Variants in CSNK1G1 observed in about 807,000 individuals in gnomAD.
The protein encoded by CSNK1G1 is casein kinase I isoform gamma-1.
A neutral mutation model predicts 59.6 loss-of-function variants in CSNK1G1; 22 were observed. The ratio of observed to expected loss-of-function variants is 0.37; its 90% CI spans 0.26 to 0.53. The LOEUF (loss-of-function observed/expected upper bound fraction) is 0.53, where lower values mean the gene tolerates loss of function less well. Among genes scored for constraint, CSNK1G1 ranks in the 20% least tolerant of loss-of-function variants. The pLI, the probability that CSNK1G1 is intolerant of heterozygous loss-of-function variation, is 0.89. For synonymous variants in CSNK1G1, 179 were observed against 177.1 expected (o/e 1.01, Z -0.08); for missense variants, 384 against 519.5 (o/e 0.74, Z 2.54).
At chr15:64,334,818 G>T (rs1897301715) in intron 1 of CSNK1G1, among the ~76,000 whole-genome samples, 1 of 152,198 alleles carries the variant, frequency 6.6e-6, no homozygotes, top group Non-Finnish European at 1.5e-5. Context: ...CTGCTATGCA[G>T]CACGGTTCCT....
intron 4 of CSNK1G1, among the ~76,000 whole-genome samples, chr15:64,231,235 A>G (rs2082544239): frequency 6.7e-6 from 1 of 150,040 alleles, no homozygotes. Flanking sequence ...CTGGGGTAGG[A>G]GAATCTCTTG....
chr15:64,260,500 G>A (rs1194034857), intron 2 of CSNK1G1, among the ~76,000 whole-genome samples: 5 of 152,084 alleles, frequency 3.3e-5, no homozygotes, highest in African/African-American at 9.7e-5. Flanking sequence ...CACTTTGGGA[G>A]GCTGAGGCAG....
At chr15:64,279,806 T>C (rs1207167827) in intron 2 of CSNK1G1, among the ~76,000 whole-genome samples, 1 of 151,856 alleles carries the variant, frequency 6.6e-6, no homozygotes, top group Non-Finnish European at 1.5e-5. Context: ...ATCCCATCTC[T>C]ACTAAAAATA....
intron 2 of CSNK1G1, among the ~76,000 whole-genome samples, chr15:64,272,746 C>T (rs1257474070): frequency 6.6e-6 from 1 of 152,024 alleles, no homozygotes; most frequent in East Asian, 1.9e-4. Context: ...TCTTGTAAGG[C>T]AGGTCTGGTG....
chr15:64,227,128 C>T (rs903882367), intron 4 of CSNK1G1, among the ~76,000 whole-genome samples: 14 of 152,186 alleles, frequency 9.2e-5, no homozygotes, highest in African/African-American at 2.9e-4. Context: ...ATTTGGAATG[C>T]CTAATGCTTT....
chr15:64,307,549 AT>A (rs1844773787), intron 1 of CSNK1G1, among the ~76,000 whole-genome samples: 1 of 152,186 alleles, frequency 6.6e-6, no homozygotes, highest in Non-Finnish European at 1.5e-5. Context: ...CCCTGTCTCT[AT>A]TTAGTATACA....
chr15:64,261,684 C>T (rs1043296173), intron 2 of CSNK1G1, among the ~76,000 whole-genome samples: 1 of 152,080 alleles, frequency 6.6e-6, no homozygotes, highest in Admixed American at 6.6e-5. Flanking sequence ...ACAGCTCACA[C>T]TTGTAATCCC....
intron 1 of CSNK1G1, among the ~76,000 whole-genome samples, chr15:64,345,046 G>T (rs1267140182): frequency 6.6e-6 from 1 of 152,110 alleles, no homozygotes; most frequent in Non-Finnish European, 1.5e-5. Context: ...TCACCAAACA[G>T]AGTTATTAAA....
At chr15:64,354,292 A>G (rs1180069484) in intron 1 of CSNK1G1, among the ~76,000 whole-genome samples, 2 of 152,190 alleles carry the variant, frequency 1.3e-5, no homozygotes, top group Non-Finnish European at 2.9e-5. Context: ...GTGATAGAGC[A>G]AGACTCTGTC....
At position 64,327,103 on chromosome 15, in the gene CSNK1G1, G is replaced by A. The variant is rs1338360937; in HGVS notation, c.-224-26380C>T. On this transcript the variant is annotated intron_variant, in intron 1 of 11. Transcript: ENST00000303052. Reference sequence around the variant, plus strand: ...GAGGCAGCGAGGCTGGGGGAGGGGCGCCCGCCATTGCCCAGGCTTGCTTAG... The same window carrying A: ...GAGGCAGCGAGGCTGGGGGAGGGGCACCCGCCATTGCCCAGGCTTGCTTAG... Among the ~76,000 whole-genome samples, 13 of 151,830 alleles carry A rather than the reference G, an allele frequency of 8.6e-5. No individual in the cohort carries two copies. In the South Asian group the frequency reaches 2.5e-3, roughly 29 times the overall value.
chr15:64,181,413 G>A, intron 10 of CSNK1G1: 3 of 1,531,508 alleles, frequency 2.0e-6, no homozygotes, highest in Non-Finnish European at 2.6e-6. Context: ...AAAACACTCT[G>A]CTTGTTAAAG....
intron 3 of CSNK1G1, among the ~76,000 whole-genome samples, chr15:64,253,488 C>T (rs756482340): frequency 5.9e-5 from 9 of 152,066 alleles, no homozygotes; most frequent in Non-Finnish European, 1.0e-4. Context: ...CAAAATGGTG[C>T]GACCGCTCTG....
chr15:64,206,216 C>T (rs531650801), intron 7 of CSNK1G1, among the ~76,000 whole-genome samples: 8 of 151,806 alleles, frequency 5.3e-5, no homozygotes, highest in African/African-American at 1.2e-4. Flanking sequence ...CCGAGGCAGG[C>T]GGATCACAAG....
chr15:64,185,653 C>T (rs1212476269), intron 10 of CSNK1G1, among the ~76,000 whole-genome samples: 1 of 152,020 alleles, frequency 6.6e-6, no homozygotes, highest in Non-Finnish European at 1.5e-5. Flanking sequence ...CACTTGAGGT[C>T]AGGAGTTTGA....
chr15:64,277,868 A>G lies in CSNK1G1; in HGVS notation c.182-18627T>C, dbSNP rs553216433. On this transcript the variant is annotated intron_variant, in intron 2 of 11. Transcript: ENST00000303052. ...ATTTAATAATAATATTGATATATTT[A>G]ATAATAATATTGATATATTTAATAT... Among the ~76,000 whole-genome samples, 15 of 141,096 alleles carry G rather than the reference A, an allele frequency of 1.1e-4. No homozygotes were observed. In the East Asian group the frequency reaches 3.0e-3, roughly 28 times the overall value. The allele number at this position is 141,096 out of a possible 152,430, so 92.6% of individuals were successfully genotyped here. A position where few individuals can be genotyped will look rare whatever the true frequency, so the allele number is the denominator to read the frequency against.
intron 1 of CSNK1G1, among the ~76,000 whole-genome samples, chr15:64,312,104 G>A (rs901099602): frequency 5.3e-5 from 8 of 152,096 alleles, no homozygotes; most frequent in African/African-American, 1.7e-4. Context: ...AAGGAAATAA[G>A]AGAGGACACA....
At chr15:64,260,416 T>G (rs551054353) in intron 2 of CSNK1G1, among the ~76,000 whole-genome samples, 4 of 152,320 alleles carry the variant, frequency 2.6e-5, no homozygotes, top group Admixed American at 2.6e-4. Context: ...TTTACTATTT[T>G]AGTATTTTCT....
chr15:64,173,619 C>CTTTTTTTTTTTT (rs928192194), intron 11 of CSNK1G1, among the ~76,000 whole-genome samples: 15 of 108,542 alleles, frequency 1.4e-4, no homozygotes, highest in East Asian at 4.9e-4. Flanking sequence ...CTTTTCTTTT[C>CTTTTTTTTTTTT]TTTTTTTTTT....
intron 4 of CSNK1G1, among the ~76,000 whole-genome samples, chr15:64,245,992 C>G (rs1490574970): frequency 6.6e-6 from 1 of 152,042 alleles, no homozygotes; most frequent in East Asian, 1.9e-4. Flanking sequence ...TACAAACATA[C>G]AGTTAGAAGC....
Sources: allele counts gnomAD v4.1 joint callset (sites outside exome capture counted in the v4.1 genomes callset), GRCh38; gene constraint gnomAD v4.1.1; transcripts MANE v1.5; gene names NCBI Gene and HGNC (gene_info 2026-07-23, HGNC 2026-07-21).